Variants in PTAFR observed in about 807,000 individuals in gnomAD.
PTAFR encodes platelet activating factor receptor.
Under a neutral mutation model 14.7 loss-of-function variants are expected in PTAFR, and 8 were observed. The ratio of observed to expected loss-of-function variants is 0.54; its 90% confidence interval spans 0.32 to 0.98. The LOEUF (loss-of-function observed/expected upper bound fraction) is 0.98. Among genes scored for constraint, PTAFR ranks in the 50% least tolerant of loss-of-function variants. The probability of loss-of-function intolerance (pLI) is 0.04; values close to 1 mark genes in which losing one functional copy is unlikely to be tolerated. For synonymous variants in PTAFR, 156 were observed against 176.5 expected (o/e 0.88, Z 0.92); for missense variants, 337 against 451.2 (o/e 0.75, Z 2.29).
At position 28,149,796 on chromosome 1, in the gene PTAFR, G is replaced by A. The variant is rs1037138166; in HGVS notation, c.*197C>T. ...CTGTAGTATGCGCCCACAGGCGGAT[G>A]AAGGGGCTCATTTGAGTTCTGGATT... On this transcript the variant is annotated 3_prime_UTR_variant, in exon 2 of 2. Transcript: ENST00000373857. 6 of 644,572 alleles carry A rather than the reference G, an allele frequency of 9.3e-6. No homozygotes were observed. The Admixed American group carries it at 1.9e-4, about 20-fold the overall frequency. 39.9% of individuals were successfully genotyped at this position (644,572 alleles called of 1,614,324 possible). A position where few individuals can be genotyped will look rare whatever the true frequency, so the allele number is the denominator to read the frequency against.
At chr1:28,173,022 C>T (rs1272332802) in intron 1 of PTAFR, among the ~76,000 whole-genome samples, 1 of 146,820 alleles carries the variant, frequency 6.8e-6, no homozygotes, top group Non-Finnish European at 1.5e-5. Context: ...GTAATCCCAG[C>T]GCTTTGGGAA....
chr1:28,176,055 C>G (rs147993873), intron 1 of PTAFR, among the ~76,000 whole-genome samples: 34 of 152,178 alleles, frequency 2.2e-4, no homozygotes, highest in African/African-American at 8.0e-4. Context: ...AAAAGCCAAA[C>G]TTGGGTGTTG....
At chr1:28,154,834 G>T (rs1284527654) in intron 1 of PTAFR, among the ~76,000 whole-genome samples, 94 of 139,228 alleles carry the variant, frequency 6.8e-4, no homozygotes, top group East Asian at 1.4e-3. Context: ...AAAAAAAAGT[G>T]GGGGGGGAGG....
chr1:28,173,543 C>T (rs929120482), intron 1 of PTAFR, among the ~76,000 whole-genome samples: 1 of 150,872 alleles, frequency 6.6e-6, no homozygotes. Flanking sequence ...ATCAGCTACT[C>T]GAGAGACTGA....
At chr1:28,155,055 TCACCTCGTGC>T (rs1646247823) in intron 1 of PTAFR, among the ~76,000 whole-genome samples, 1 of 152,122 alleles carries the variant, frequency 6.6e-6, no homozygotes, top group Admixed American at 6.5e-5. Flanking sequence ...CACTCCACCC[TCACCTCGTGC>T]CACCTTAGCA....
chr1:28,178,194 C>G (rs1646533721), upstream of PTAFR, among the ~76,000 whole-genome samples: 1 of 152,138 alleles, frequency 6.6e-6, no homozygotes, highest in Non-Finnish European at 1.5e-5. Context: ...GGCCAGGCTC[C>G]TCCTCCTAAT....
chr1:28,179,308 C>T (rs746086587), upstream of PTAFR, among the ~76,000 whole-genome samples: 9 of 152,208 alleles, frequency 5.9e-5, no homozygotes, highest in Non-Finnish European at 1.2e-4. Flanking sequence ...GCTCAAGGTC[C>T]GGAACTGTTG....
chr1:28,156,344 AG>A (rs1646263813), intron 1 of PTAFR, among the ~76,000 whole-genome samples: 2 of 152,188 alleles, frequency 1.3e-5, no homozygotes, highest in Non-Finnish European at 2.9e-5. Context: ...ATCTGTGTGA[AG>A]GCAGATTTTC....
At chr1:28,178,551 G>A (rs1646536777), upstream of PTAFR, among the ~76,000 whole-genome samples, 2 of 151,980 alleles carry the variant, frequency 1.3e-5, no homozygotes, top group African/African-American at 2.4e-5. Flanking sequence ...ATGACCCACC[G>A]CGCCTGGCCA....
At chr1:28,175,012 C>T (rs527560883) in intron 1 of PTAFR, among the ~76,000 whole-genome samples, 111 of 152,238 alleles carry the variant, frequency 7.3e-4, no homozygotes, top group Admixed American at 1.2e-3. Context: ...CTGCAACCTC[C>T]GCCTCCCAGG....
At chr1:28,180,651 T>G (rs886118801), upstream of PTAFR, among the ~76,000 whole-genome samples, 1 of 152,062 alleles carries the variant, frequency 6.6e-6, no homozygotes, top group Non-Finnish European at 1.5e-5. Flanking sequence ...GCAGAAGATA[T>G]CCAGGACAGA....
intron 1 of PTAFR, among the ~76,000 whole-genome samples, chr1:28,192,929 C>A (rs1446367821): frequency 1.3e-5 from 2 of 152,146 alleles, no homozygotes; most frequent in African/African-American, 2.4e-5. Context: ...AGTCCTAGGG[C>A]CATAGGAAGC....
At chr1:28,164,932 C>A (rs577184365) in intron 1 of PTAFR, among the ~76,000 whole-genome samples, 1 of 152,218 alleles carries the variant, frequency 6.6e-6, no homozygotes. Context: ...ATCTGACTCC[C>A]GCCTGGTAGG....
intron 1 of PTAFR, among the ~76,000 whole-genome samples, chr1:28,187,802 A>AATTT (rs1646619215): frequency 2.0e-5 from 3 of 152,224 alleles, no homozygotes; most frequent in African/African-American, 7.2e-5. Flanking sequence ...TCTTAAATTA[A>AATTT]GACATGGAAA....
intron 1 of PTAFR, among the ~76,000 whole-genome samples, chr1:28,151,689 A>G (rs1031041054): frequency 3.3e-5 from 5 of 152,096 alleles, no homozygotes; most frequent in Non-Finnish European, 7.4e-5. Context: ...TAATTCTTTA[A>G]AAAGGGGCTC....
chr1:28,165,221 A>G (rs1237337611), intron 1 of PTAFR, among the ~76,000 whole-genome samples: 1 of 151,936 alleles, frequency 6.6e-6, no homozygotes. Flanking sequence ...CCTGGCTAAC[A>G]TGGTGAAACC....
chr1:28,162,724 G>T (rs1054700299), intron 1 of PTAFR, among the ~76,000 whole-genome samples: 4 of 150,994 alleles, frequency 2.6e-5, no homozygotes, highest in Admixed American at 2.0e-4. Context: ...TACTCTGGAG[G>T]CTGAGGCAGG....
At chr1:28,161,496 A>G (rs1646322954) in intron 1 of PTAFR, among the ~76,000 whole-genome samples, 1 of 152,186 alleles carries the variant, frequency 6.6e-6, no homozygotes, top group Non-Finnish European at 1.5e-5. Context: ...GATAGGGTAG[A>G]TGGCTTTTTT....
At chr1:28,177,501 G>A (rs1488362404), upstream of PTAFR, among the ~76,000 whole-genome samples, 2 of 152,114 alleles carry the variant, frequency 1.3e-5, no homozygotes, top group Non-Finnish European at 2.9e-5. Context: ...GGATCCTTCC[G>A]CCTCAGCTTC....
Sources: gnomAD v4.1 joint callset for allele counts (sites outside exome capture counted in the v4.1 genomes callset) on GRCh38, gnomAD v4.1.1 for gene constraint, MANE v1.5 for transcripts, NCBI Gene and HGNC (gene_info 2026-07-23, HGNC 2026-07-21) for gene names.